Variants in OTC observed in about 807,000 individuals in gnomAD.
The protein encoded by OTC is ornithine transcarbamylase, also known as ornithine transcarbamylase, mitochondrial.
Under a neutral mutation model 30.3 loss-of-function variants are expected in OTC, and 3 were observed. That is an observed-to-expected ratio of 0.10 (90% CI 0.05 to 0.26). The LOEUF (loss-of-function observed/expected upper bound fraction) is 0.26, where lower values mean the gene tolerates loss of function less well. Ranked by LOEUF, OTC falls within the 10% of genes least tolerant of loss-of-function variation. The pLI is 1.00. For missense variants in OTC, 194 were observed against 260.3 expected (o/e 0.75, Z 1.75); for synonymous variants, 111 against 99.7 (o/e 1.11, Z -0.67).
At chrX:38,374,037 G>A (rs2068334259) in intron 3 of OTC, among the ~76,000 whole-genome samples, 1 of 110,632 alleles carries the variant, frequency 9.0e-6, no homozygotes, top group East Asian at 2.8e-4. Context: ...GGTGGCGGGC[G>A]CCTGTAGTCC....
At chrX:38,411,330 G>A (rs1033205551) in intron 8 of OTC, among the ~76,000 whole-genome samples, 1 of 104,198 alleles carries the variant, frequency 9.6e-6, no homozygotes, top group Non-Finnish European at 2.0e-5. Context: ...AGTTACTGGT[G>A]TAACTTGAAG....
At chrX:38,348,602 T>A (rs1328505706), upstream of OTC, among the ~76,000 whole-genome samples, 1 of 101,976 alleles carries the variant, frequency 9.8e-6, no homozygotes, top group African/African-American at 3.6e-5. Context: ...AGTGGCGCAA[T>A]CTCGGCTCAC....
At position 38,421,324 on chromosome X, in the gene OTC, G is replaced by C. The variant is rs1327812349; in HGVS notation, c.*242G>C. On this transcript the variant is annotated 3_prime_UTR_variant, in exon 10 of 10. Transcript: ENST00000039007. ...ATTCCCAATTTCTGAGTTACATTTAGATATCATATTAATTATCATATACAT... is the reference window on the plus strand; with the variant it reads ...ATTCCCAATTTCTGAGTTACATTTACATATCATATTAATTATCATATACAT... 1.1e-5 allele frequency: 4 copies of C among 365,795 alleles called. No individual in the cohort carries two copies. The highest frequency in any genetic ancestry group is 4.4e-5 in the Admixed American group (1 of 22,553). 30.1% of individuals were successfully genotyped at this position (365,795 alleles called of 1,213,427 possible). A position where few individuals can be genotyped will look rare whatever the true frequency, so the allele number is the denominator to read the frequency against.
chrX:38,372,702 G>A (rs1253904117), intron 3 of OTC, among the ~76,000 whole-genome samples: 1 of 112,776 alleles, frequency 8.9e-6, no homozygotes, highest in African/African-American at 3.2e-5. Flanking sequence ...CACTGAAAGC[G>A]AGTAGCTGTC....
At chrX:38,393,762 T>C (rs1204303116) in intron 4 of OTC, among the ~76,000 whole-genome samples, 2 of 112,498 alleles carry the variant, frequency 1.8e-5, no homozygotes, top group African/African-American at 3.2e-5. Flanking sequence ...ACATACTTAG[T>C]GGCTTAAAAC....
intron 4 of OTC, among the ~76,000 whole-genome samples, chrX:38,384,831 G>T (rs776727132): frequency 1.7e-4 from 19 of 111,906 alleles, no homozygotes; most frequent in Non-Finnish European, 3.2e-4. Context: ...AAAGAAAACC[G>T]GGCCAGTCTC....
the OTC span, among the ~76,000 whole-genome samples, chrX:38,340,249 G>A: frequency 9.0e-6 from 1 of 111,325 alleles, no homozygotes; most frequent in Non-Finnish European, 1.9e-5. Flanking sequence ...CTTATTACTT[G>A]TAGAATTCTA....
At chrX:38,378,325 C>T (rs1164192621) in intron 3 of OTC, among the ~76,000 whole-genome samples, 1 of 105,533 alleles carries the variant, frequency 9.5e-6, no homozygotes, top group Non-Finnish European at 1.9e-5. Context: ...CTGTAAATTT[C>T]CTATTCTCCT....
At chrX:38,385,195 G>GGGAGGT (rs1297948366) in intron 4 of OTC, among the ~76,000 whole-genome samples, 1 of 111,573 alleles carries the variant, frequency 9.0e-6, no homozygotes, top group African/African-American at 3.3e-5. Flanking sequence ...ACTTGAACCC[G>GGGAGGT]GGAGGTGGAG....
chrX:38,342,856 G>T, the OTC span, among the ~76,000 whole-genome samples: 1 of 111,979 alleles, frequency 8.9e-6, no homozygotes, highest in African/African-American at 3.3e-5. Context: ...ATCTTTACAG[G>T]CCACAGAGTT....
chrX:38,344,520 A>G, the OTC span, among the ~76,000 whole-genome samples: 14 of 111,084 alleles, frequency 1.3e-4, no homozygotes, highest in Non-Finnish European at 2.3e-4. Context: ...AAGAAAAGAG[A>G]AATTGGGCAT....
At chrX:38,336,944 C>G in the OTC span, among the ~76,000 whole-genome samples, 1 of 112,336 alleles carries the variant, frequency 8.9e-6, no homozygotes, top group East Asian at 2.8e-4. Context: ...AGGAAACTAG[C>G]AGACAAGAGT....
At chrX:38,365,559 G>C (rs764603906) in intron 1 of OTC, among the ~76,000 whole-genome samples, 1 of 112,361 alleles carries the variant, frequency 8.9e-6, no homozygotes, top group Non-Finnish European at 1.9e-5. Flanking sequence ...GAAACCAAGA[G>C]AGGGGTTGGA....
rs531416824 is a variant in OTC, at chrX:38,363,850, C to T, written c.78-3441C>T. Among the ~76,000 whole-genome samples, 20 of 111,268 alleles carry T rather than the reference C, an allele frequency of 1.8e-4. No homozygotes were observed. The South Asian group carries it at 6.8e-3, about 38-fold the overall frequency. On this transcript the variant is annotated intron_variant, in intron 1 of 9. Coordinates refer to ENST00000039007, the MANE Select transcript of OTC (RefSeq NM_000531.6). ...TTAAAATATTTGGTTCTTTGCCGGG[C>T]GTGGTGGCTCACGTGCTGTAATTCC...
At chrX:38,392,807 C>T (rs377205070) in intron 4 of OTC, among the ~76,000 whole-genome samples, 2 of 112,173 alleles carry the variant, frequency 1.8e-5, no homozygotes, top group African/African-American at 6.5e-5. Context: ...GGCTTTGTCA[C>T]GCTCCCTTTT....
At chrX:38,355,811 T>TCA (rs1213673629) in intron 1 of OTC, among the ~76,000 whole-genome samples, 1 of 111,987 alleles carries the variant, frequency 8.9e-6, no homozygotes, top group Admixed American at 9.5e-5. Context: ...CCGAGGTGGG[T>TCA]GGATCACCTG....
chrX:38,333,019 G>T, the OTC span, among the ~76,000 whole-genome samples: 1 of 110,238 alleles, frequency 9.1e-6, no homozygotes, highest in African/African-American at 3.3e-5. Context: ...TTCAAGACCA[G>T]CCTGGGCAAC....
At chrX:38,328,616 G>A in the OTC span, among the ~76,000 whole-genome samples, 5 of 111,939 alleles carry the variant, frequency 4.5e-5, no homozygotes, top group African/African-American at 1.3e-4. Flanking sequence ...GGTTCCTAGC[G>A]AGGTGGCAAG....
rs901677549 is a variant in OTC at position 38,401,445 on chromosome X, G to C, written c.540+17G>C. The C allele has an allele frequency of 5.1e-6, 6 of 1,181,611 alleles. No individual in the cohort carries two copies. Among genetic ancestry groups the C allele is most frequent in the Non-Finnish European group, 5.8e-6 (5 of 868,270 alleles). ...ACGCTCCAGGTTGGTTTATTTATTTGTCTTACAAAAGAGCAAAATCAAATA... is the reference window on the plus strand; with the variant it reads ...ACGCTCCAGGTTGGTTTATTTATTTCTCTTACAAAAGAGCAAAATCAAATA... On this transcript the variant is annotated intron_variant, in intron 5 of 9. Transcript: ENST00000039007.
Sources: gnomAD v4.1 joint callset for allele counts (sites outside exome capture counted in the v4.1 genomes callset) on GRCh38, gnomAD v4.1.1 for gene constraint, MANE v1.5 for transcripts, NCBI Gene and HGNC (gene_info 2026-07-23, HGNC 2026-07-21) for gene names.